Variants in TENT4B observed in about 807,000 individuals in gnomAD.
The protein encoded by TENT4B is terminal nucleotidyltransferase 4B.
TENT4B carries 10 observed loss-of-function variants against 75.0 expected under a neutral mutation model. That is an observed-to-expected ratio of 0.13 (90% CI 0.08 to 0.23). The LOEUF is 0.23. TENT4B is among the 10% of genes least tolerant of loss of function. TENT4B has a pLI of 1.00. For synonymous variants in TENT4B, 350 were observed against 357.7 expected, an observed-to-expected ratio of 0.98 and a Z score of 0.24; for missense variants, 579 against 893.8, an observed-to-expected ratio of 0.65 and a Z score of 4.49.
chr16:50,229,440 TA>T lies in TENT4B; in HGVS notation c.*113del. On this transcript the variant is annotated 3_prime_UTR_variant, in exon 12 of 12. Transcript: ENST00000561678. ...GCCTCACACTGTTCAGACGTTGACT[TA>T]GCAACTGCGTTTTTTCCCAGCTCGC... The T allele has an allele frequency of 4.5e-6, 6 of 1,347,320 alleles. No individual in the cohort carries two copies. The highest frequency in any genetic ancestry group is 5.7e-6 in the Non-Finnish European group (6 of 1,050,272). The allele number at this position is 1,347,320 out of a possible 1,614,324, so 83.5% of individuals were successfully genotyped here.
intron 1 of TENT4B, among the ~76,000 whole-genome samples, chr16:50,191,873 C>T (rs958451872): frequency 2.6e-5 from 4 of 151,894 alleles, no homozygotes; most frequent in African/African-American, 4.8e-5. Context: ...GAGTCGAGAT[C>T]GCACCATTGC....
chr16:50,206,916 T>TA (rs961761674), intron 1 of TENT4B, among the ~76,000 whole-genome samples: 9 of 151,824 alleles, frequency 5.9e-5, no homozygotes, highest in Admixed American at 1.3e-4. Flanking sequence ...TTTGTTTTTT[T>TA]TTTTTAACCT....
In TENT4B at chr16:50,225,248, C is replaced by T; in HGVS notation, c.1763C>T (p.Ser588Leu). 6.2e-7 allele frequency: 1 copy of T among 1,613,922 alleles called. No homozygotes were observed. The highest frequency in any genetic ancestry group is 1.1e-5 in the South Asian group (1 of 91,076). The change falls in exon 10 of 12, where the codon TCG (serine) becomes TTG (leucine). Residue 588 changes from serine (S) to leucine (L), a missense_variant. Coordinates refer to ENST00000561678, the MANE Select transcript of TENT4B (RefSeq NM_001365324.3). The part of the protein sequence containing the change: ...HSSNSSSGPV[S>L]SSSATQSSSS... ...TCAAACTCTTCATCAGGTCCAGTGT[C>T]GTCCTCTTCTGCCACACAGTCCAGC...
chr16:50,160,114 G>A (rs1017014337), intron 1 of TENT4B, among the ~76,000 whole-genome samples: 3 of 152,134 alleles, frequency 2.0e-5, no homozygotes, highest in East Asian at 3.9e-4. Context: ...GGCCAGGCTG[G>A]TCTTGGACTC....
Position 50,230,428 on chromosome 16 carries a change from T to C in TENT4B, c.*1100T>C. ...CTGCGTGTGCCTGTTTCTCATCTCTTATTCTTTTTAAAATTCATGCTTAAC... is the reference window on the plus strand; with the variant it reads ...CTGCGTGTGCCTGTTTCTCATCTCTCATTCTTTTTAAAATTCATGCTTAAC... On this transcript the variant is annotated 3_prime_UTR_variant, in exon 12 of 12. Transcript: ENST00000561678. 1 of 985,842 alleles carries C rather than the reference T, an allele frequency of 1.0e-6. No individual in the cohort carries two copies. Among genetic ancestry groups the C allele is most frequent in the Non-Finnish European group, 1.2e-6 (1 of 829,912 alleles). The allele number at this position is 985,842 out of a possible 1,614,324, so 61.1% of individuals were successfully genotyped here.
chr16:50,220,198 A>G (rs1287378369), intron 5 of TENT4B, among the ~76,000 whole-genome samples: 1 of 152,202 alleles, frequency 6.6e-6, no homozygotes, highest in South Asian at 2.1e-4. Flanking sequence ...CATGTTGGCC[A>G]GGGTGGTCTC....
At chr16:50,221,986 A>G (rs567738335) in intron 5 of TENT4B, among the ~76,000 whole-genome samples, 3 of 152,226 alleles carry the variant, frequency 2.0e-5, no homozygotes, top group African/African-American at 7.2e-5. Context: ...GCTGGTCTCG[A>G]ACTCCTGACC....
intron 1 of TENT4B, among the ~76,000 whole-genome samples, chr16:50,200,994 ATCTC>A (rs1490581155): frequency 6.6e-6 from 1 of 151,708 alleles, no homozygotes; most frequent in South Asian, 2.1e-4. Flanking sequence ...TAGAGGTGGG[ATCTC>A]GCCATGTTAC....
At chr16:50,222,275 A>T in intron 5 of TENT4B, 31 bp from the exon 6 acceptor site, 1 of 1,549,282 alleles carries the variant, frequency 6.5e-7, no homozygotes, top group Middle Eastern at 1.7e-4. Context: ...CTGATACAGG[A>T]ATTCATTGAA....
At chr16:50,227,761 C>T in intron 10 of TENT4B, 78 bp from the exon 11 acceptor site, 2 of 1,523,610 alleles carry the variant, frequency 1.3e-6, no homozygotes, top group Non-Finnish European at 1.8e-6. Context: ...GTACTTTAAC[C>T]AAAATTGTTT....
chr16:50,155,617 C>T (rs2037882884), intron 1 of TENT4B, among the ~76,000 whole-genome samples: 1 of 152,118 alleles, frequency 6.6e-6, no homozygotes, highest in South Asian at 2.1e-4. Flanking sequence ...AGGACTGGTG[C>T]TGTGGTACAT....
rs1226128967 is a variant in TENT4B at position 50,231,505 on chromosome 16, T to C, written c.*2177T>C. 2 of 985,732 alleles carry C rather than the reference T, an allele frequency of 2.0e-6. No homozygotes were observed. Among genetic ancestry groups the C allele is most frequent in the African/African-American group, 3.5e-5 (2 of 57,244 alleles). 61.1% of individuals were successfully genotyped at this position (985,732 alleles called of 1,614,324 possible). A position where few individuals can be genotyped will look rare whatever the true frequency, so the allele number is the denominator to read the frequency against. ...AAAGAATCACCCTCATTGTTGAAAGTAAATGTACTCTTAGGGTGCGAATAT... is the reference window on the plus strand; with the variant it reads ...AAAGAATCACCCTCATTGTTGAAAGCAAATGTACTCTTAGGGTGCGAATAT... On this transcript the variant is annotated 3_prime_UTR_variant, in exon 12 of 12. Coordinates refer to ENST00000561678, the MANE Select transcript of TENT4B (RefSeq NM_001365324.3).
At chr16:50,153,295 C>A (rs901375833), upstream of TENT4B, among the ~76,000 whole-genome samples, 4 of 145,730 alleles carry the variant, frequency 2.7e-5, no homozygotes, top group African/African-American at 1.0e-4. Context: ...CTGCCGCCGC[C>A]GCCGCTCGCT....
chr16:50,195,820 T>G (rs146543856), intron 1 of TENT4B, among the ~76,000 whole-genome samples: 13 of 152,330 alleles, frequency 8.5e-5, no homozygotes, highest in Admixed American at 2.6e-4. Flanking sequence ...ATATAGTAGA[T>G]CTCTTATTTT....
At chr16:50,227,070 GTTTAAC>G (rs2032089742) in intron 10 of TENT4B, among the ~76,000 whole-genome samples, 1 of 152,200 alleles carries the variant, frequency 6.6e-6, no homozygotes, top group Non-Finnish European at 1.5e-5. Context: ...ACCTGTTTGA[GTTTAAC>G]TTTATTAAGT....
intron 1 of TENT4B, among the ~76,000 whole-genome samples, chr16:50,176,602 G>C (rs1315947403): frequency 7.6e-6 from 1 of 130,954 alleles, no homozygotes; most frequent in Non-Finnish European, 1.5e-5. Context: ...TGCCTCCCGG[G>C]TTCAAGTAAT....
chr16:50,215,739 G>A (rs748752949), intron 3 of TENT4B, among the ~76,000 whole-genome samples: 2 of 152,068 alleles, frequency 1.3e-5, no homozygotes, highest in Non-Finnish European at 2.9e-5. Flanking sequence ...AATCTCATCC[G>A]GATAGGAAAA....
intron 1 of TENT4B, among the ~76,000 whole-genome samples, chr16:50,175,182 A>G (rs1597235207): frequency 6.6e-6 from 1 of 152,160 alleles, no homozygotes; most frequent in East Asian, 1.9e-4. Context: ...TATTTTGGAT[A>G]ATAAGTCTTT....
At chr16:50,185,064 A>G (rs1190489241) in intron 1 of TENT4B, among the ~76,000 whole-genome samples, 3 of 152,100 alleles carry the variant, frequency 2.0e-5, no homozygotes, top group African/African-American at 7.2e-5. Flanking sequence ...CGCTAGGGTT[A>G]TTTCCACCCT....
Sources: allele counts gnomAD v4.1 joint callset (sites outside exome capture counted in the v4.1 genomes callset), GRCh38; gene constraint gnomAD v4.1.1; transcripts MANE v1.5; gene names NCBI Gene and HGNC (gene_info 2026-07-23, HGNC 2026-07-21).